The following IL1RAPL1 variants were observed in gnomAD, a reference collection of about 807,000 sequenced individuals.
The protein encoded by IL1RAPL1 is interleukin-1 receptor accessory protein-like 1.
IL1RAPL1 carries 3 observed loss-of-function variants against 48.4 expected under a neutral mutation model. The observed-to-expected ratio is 0.06, with a 90% confidence interval of 0.03 to 0.16. The LOEUF (loss-of-function observed/expected upper bound fraction) is 0.16. IL1RAPL1 is among the 10% of genes least tolerant of loss of function. The pLI, the probability that IL1RAPL1 is intolerant of heterozygous loss-of-function variation, is 1.00. For synonymous variants in IL1RAPL1, 185 were observed against 187.7 expected (o/e 0.99, Z 0.12); for missense variants, 349 against 530.6 (o/e 0.66, Z 3.36).
chrX:29,332,649 T>TTTA (rs1263341688), intron 3 of IL1RAPL1, among the ~76,000 whole-genome samples: 4 of 80,069 alleles, frequency 5.0e-5, no homozygotes, highest in Non-Finnish European at 7.1e-5. Flanking sequence ...TATTTATTTA[T>TTTA]TTTATTTTTT....
At chrX:29,637,999 G>GA (rs1925028480) in intron 5 of IL1RAPL1, among the ~76,000 whole-genome samples, 1 of 111,894 alleles carries the variant, frequency 8.9e-6, no homozygotes. Flanking sequence ...TGAATACTTA[G>GA]AAAATATAGT....
chrX:29,293,643 G>A (rs1298990944), intron 3 of IL1RAPL1, among the ~76,000 whole-genome samples: 3 of 110,986 alleles, frequency 2.7e-5, no homozygotes, highest in Non-Finnish European at 5.7e-5. Flanking sequence ...TGTATTTATC[G>A]TATTTCACAA....
At chrX:29,331,298 GCCT>G (rs1932883675) in intron 3 of IL1RAPL1, among the ~76,000 whole-genome samples, 1 of 111,205 alleles carries the variant, frequency 9.0e-6, no homozygotes, top group East Asian at 2.8e-4. Context: ...TTGGAACACT[GCCT>G]CATCTATTCT....
Position 28,821,043 on chromosome X carries a change from C to T in IL1RAPL1, c.82+31618C>T, listed in dbSNP as rs191271548. Among the ~76,000 whole-genome samples the T allele has an allele frequency of 1.2e-4, 13 of 111,259 alleles. 1 individual carries two copies. Among genetic ancestry groups the T allele is most frequent in the African/African-American group, 3.3e-4 (10 of 30,680 alleles). On this transcript the variant is annotated intron_variant, in intron 2 of 10. Coordinates refer to ENST00000378993, the MANE Select transcript of IL1RAPL1 (RefSeq NM_014271.4). ...ACCAGCATGAAATAATAACACCGGACGCTGTCAAGCACAGAGAGGTGTTTG... is the reference window on the plus strand; with the variant it reads ...ACCAGCATGAAATAATAACACCGGATGCTGTCAAGCACAGAGAGGTGTTTG...
At chrX:28,943,762 C>T (rs1419765860) in intron 2 of IL1RAPL1, among the ~76,000 whole-genome samples, 1 of 110,929 alleles carries the variant, frequency 9.0e-6, no homozygotes, top group African/African-American at 3.3e-5. Flanking sequence ...ATGAAATGCA[C>T]TCAGTACTTT....
At chrX:29,808,475 T>C (rs1259032726) in intron 6 of IL1RAPL1, among the ~76,000 whole-genome samples, 1 of 111,783 alleles carries the variant, frequency 8.9e-6, no homozygotes, top group Admixed American at 9.5e-5. Flanking sequence ...TGTTATTAAT[T>C]TCCATCACCG....
At position 29,602,212 on chromosome X, in the gene IL1RAPL1, A is replaced by G. The variant is rs749198948; in HGVS notation, c.704-66218A>G. ...TGATCAGGCTGATCTCAAACTCCTG[A>G]CCTCATGTGATCCACCTGCCTCGGC... On this transcript the variant is annotated intron_variant, in intron 5 of 10. Coordinates refer to ENST00000378993, the MANE Select transcript of IL1RAPL1 (RefSeq NM_014271.4). Among the ~76,000 whole-genome samples the G allele has an allele frequency of 4.2e-3, 429 of 102,846 alleles. 58 individuals are homozygous for G. Among genetic ancestry groups the G allele is most frequent in the African/African-American group, 0.018 (401 of 22,774 alleles). The allele number at this position is 102,846 out of a possible 115,157, so 89.3% of individuals were successfully genotyped here.
In IL1RAPL1 at chrX:29,558,178, C is replaced by T. The variant is rs781399158; in HGVS notation, c.704-110252C>T. 4.5e-5 allele frequency among the ~76,000 whole-genome samples: 5 copies of T among 111,690 alleles called. No homozygotes were observed. In the South Asian group the frequency reaches 1.9e-3, roughly 42 times the overall value. The stretch of plus-strand genomic sequence containing the variant: ...ATCAGTGCACAGAGGTCTCTATTCT[C>T]CACATCCTTGCCAATACTTCTTCTC... On this transcript the variant is annotated intron_variant, in intron 5 of 10. Transcript: ENST00000378993.
intron 5 of IL1RAPL1, among the ~76,000 whole-genome samples, chrX:29,578,611 CTTAAATTTTTAAGATTT>C (rs1360875068): frequency 9.0e-6 from 1 of 111,531 alleles, no homozygotes; most frequent in Non-Finnish European, 1.9e-5. Context: ...TGAGAATGAT[CTTAAATTTTTAAGATTT>C]TTAAATTTTT....
intron 5 of IL1RAPL1, among the ~76,000 whole-genome samples, chrX:29,643,521 T>C (rs1284370688): frequency 8.9e-6 from 1 of 112,142 alleles, no homozygotes; most frequent in East Asian, 2.8e-4. Context: ...CTAACGTCGA[T>C]TTACAATGAG....
intron 5 of IL1RAPL1, among the ~76,000 whole-genome samples, chrX:29,649,474 AAC>A (rs1925444160): frequency 8.9e-6 from 1 of 112,216 alleles, no homozygotes; most frequent in African/African-American, 3.2e-5. Context: ...ACATCACATT[AAC>A]AGAAGGAAGG....
chrX:28,651,103 A>T (rs1934678173), intron 1 of IL1RAPL1, among the ~76,000 whole-genome samples: 1 of 112,009 alleles, frequency 8.9e-6, no homozygotes, highest in South Asian at 3.7e-4. Context: ...CCCTCATGCT[A>T]TGTGTATAAG....
chrX:29,904,408 C>T (rs1329406331), intron 6 of IL1RAPL1, among the ~76,000 whole-genome samples: 1 of 110,837 alleles, frequency 9.0e-6, no homozygotes, highest in Non-Finnish European at 1.9e-5. Flanking sequence ...GCAGAATGTG[C>T]AGGTTTGTTA....
At chrX:29,376,457 A>G (rs1380741281) in intron 3 of IL1RAPL1, among the ~76,000 whole-genome samples, 2 of 109,379 alleles carry the variant, frequency 1.8e-5, no homozygotes, top group African/African-American at 3.3e-5. Flanking sequence ...TGCAGCCTCA[A>G]TCTCCCCAGG....
intron 5 of IL1RAPL1, among the ~76,000 whole-genome samples, chrX:29,425,668 C>G (rs767587265): frequency 9.0e-6 from 1 of 111,351 alleles, no homozygotes; most frequent in African/African-American, 3.3e-5. Flanking sequence ...CTACCTCCGC[C>G]TCCTGGGCTC....
At chrX:29,326,291 A>G (rs887740729) in intron 3 of IL1RAPL1, among the ~76,000 whole-genome samples, 1 of 112,306 alleles carries the variant, frequency 8.9e-6, no homozygotes, top group Non-Finnish European at 1.9e-5. Context: ...TACTTGTACA[A>G]CCTGAGGTCT....
intron 6 of IL1RAPL1, among the ~76,000 whole-genome samples, chrX:29,765,680 A>G (rs994247776): frequency 5.4e-5 from 6 of 111,750 alleles, no homozygotes; most frequent in Non-Finnish European, 1.1e-4. Context: ...TTCCTATGAT[A>G]CTTTGCACAA....
chrX:28,887,217 C>T (rs1922656033), intron 2 of IL1RAPL1, among the ~76,000 whole-genome samples: 1 of 111,120 alleles, frequency 9.0e-6, no homozygotes, highest in African/African-American at 3.3e-5. Flanking sequence ...AAAGAGGTTA[C>T]ACTCAGTGTT....
chrX:28,986,788 G>A, intron 2 of IL1RAPL1, among the ~76,000 whole-genome samples: 1 of 111,814 alleles, frequency 8.9e-6, no homozygotes, highest in Non-Finnish European at 1.9e-5. Context: ...TAATCCCAAG[G>A]GAAGGATTAT....
Sources: gnomAD v4.1 joint callset for allele counts (sites outside exome capture counted in the v4.1 genomes callset) on GRCh38, gnomAD v4.1.1 for gene constraint, MANE v1.5 for transcripts, NCBI Gene and HGNC (gene_info 2026-07-23, HGNC 2026-07-21) for gene names.